Variants in PLXDC2 observed in about 807,000 individuals in gnomAD.
PLXDC2 encodes plexin domain-containing protein 2.
A neutral mutation model predicts 68.9 loss-of-function variants in PLXDC2; 40 were observed. That is an observed-to-expected ratio of 0.58 (90% CI 0.45 to 0.76). The LOEUF is 0.76. Among genes scored for constraint, PLXDC2 ranks in the 30% least tolerant of loss-of-function variants. The pLI is 0.00. For synonymous variants in PLXDC2, 243 were observed against 234.2 expected (o/e 1.04, Z -0.34); for missense variants, 644 against 661.9 (o/e 0.97, Z 0.30).
At chr10:19,833,972 T>C (rs1836742673) in intron 1 of PLXDC2, among the ~76,000 whole-genome samples, 1 of 150,038 alleles carries the variant, frequency 6.7e-6, no homozygotes, top group Non-Finnish European at 1.5e-5. Context: ...TCTCCAGAAC[T>C]GTATGGAGGC....
At chr10:20,172,166 T>G (rs1428895140) in intron 7 of PLXDC2, among the ~76,000 whole-genome samples, 1 of 151,520 alleles carries the variant, frequency 6.6e-6, no homozygotes, top group African/African-American at 2.4e-5. Context: ...TTTTGGGATA[T>G]TGTTTTCTGA....
intron 4 of PLXDC2, among the ~76,000 whole-genome samples, chr10:20,141,642 G>A (rs909523273): frequency 6.6e-6 from 1 of 151,874 alleles, no homozygotes; most frequent in Non-Finnish European, 1.5e-5. Context: ...TGCTGGAGAG[G>A]ATAGGAGAAA....
chr10:20,010,818 A>G (rs1835100199), intron 2 of PLXDC2, among the ~76,000 whole-genome samples: 1 of 152,206 alleles, frequency 6.6e-6, no homozygotes, highest in Admixed American at 6.5e-5. Flanking sequence ...TTATATGATC[A>G]TCACATCCAG....
intron 1 of PLXDC2, among the ~76,000 whole-genome samples, chr10:19,913,234 T>G (rs1833305908): frequency 6.6e-6 from 1 of 152,090 alleles, no homozygotes; most frequent in Non-Finnish European, 1.5e-5. Flanking sequence ...GATTTCTCCC[T>G]TTGCTGCTGT....
chr10:19,884,920 G>A (rs1172371840), intron 1 of PLXDC2, among the ~76,000 whole-genome samples: 33 of 152,252 alleles, frequency 2.2e-4, no homozygotes, highest in South Asian at 6.2e-4. Context: ...TCCCTGAGGA[G>A]TCGCCACACT....
Position 19,831,988 on chromosome 10 carries a change from T to A in PLXDC2, c.112+14797T>A, listed in dbSNP as rs184209399. 9.7e-4 allele frequency among the ~76,000 whole-genome samples: 147 copies of A among 152,302 alleles called. 1 individual carries two copies. Among genetic ancestry groups the A allele is most frequent in the Admixed American group, 1.3e-3 (20 of 15,306 alleles). On this transcript the variant is annotated intron_variant, in intron 1 of 13. Transcript: ENST00000377252. ...AGCTTTAACTCTTTCATGGATGACATATCATAGTTTTTGTTAGTCCAATAA... is the reference window on the plus strand; with the variant it reads ...AGCTTTAACTCTTTCATGGATGACAAATCATAGTTTTTGTTAGTCCAATAA...
intron 1 of PLXDC2, among the ~76,000 whole-genome samples, chr10:19,936,204 C>T (rs1833720384): frequency 6.6e-6 from 1 of 152,190 alleles, no homozygotes; most frequent in Admixed American, 6.5e-5. Flanking sequence ...TTTAATGGGA[C>T]TCCAGAAGTC....
intron 1 of PLXDC2, among the ~76,000 whole-genome samples, chr10:19,924,466 A>T (rs1301424290): frequency 6.6e-6 from 1 of 152,192 alleles, no homozygotes; most frequent in Non-Finnish European, 1.5e-5. Context: ...AATTACATTG[A>T]CATTTCTGAT....
chr10:20,208,246 G>A (rs1164566666), intron 9 of PLXDC2, among the ~76,000 whole-genome samples: 1 of 152,106 alleles, frequency 6.6e-6, no homozygotes, highest in Non-Finnish European at 1.5e-5. Flanking sequence ...GACATTTAAT[G>A]GACTCACAAT....
chr10:20,086,594 A>C (rs1048137738), intron 4 of PLXDC2, among the ~76,000 whole-genome samples: 2 of 152,132 alleles, frequency 1.3e-5, no homozygotes, highest in African/African-American at 4.8e-5. Flanking sequence ...AGCTTCTTCC[A>C]AATGCAGAAT....
At chr10:19,954,606 T>C (rs766599074) in intron 1 of PLXDC2, among the ~76,000 whole-genome samples, 5 of 152,360 alleles carry the variant, frequency 3.3e-5, no homozygotes, top group Non-Finnish European at 7.3e-5. Context: ...ATTTTAAATT[T>C]AATTTAAATG....
At chr10:19,885,228 A>T (rs1837819568) in intron 1 of PLXDC2, among the ~76,000 whole-genome samples, 1 of 151,116 alleles carries the variant, frequency 6.6e-6, no homozygotes, top group Non-Finnish European at 1.5e-5. Context: ...AATTTGTTGG[A>T]GTTCATTGTA....
rs750506950 is a variant in PLXDC2, at chr10:19,882,962, T to TTTC, written c.112+65773_112+65774insCTT. 7.0e-3 allele frequency among the ~76,000 whole-genome samples: 996 copies of TTTC among 142,340 alleles called. 14 individuals are homozygous for TTTC. Among genetic ancestry groups the TTTC allele is most frequent in the African/African-American group, 0.022 (841 of 38,366 alleles). The allele number at this position is 142,340 out of a possible 152,430, so 93.4% of individuals were successfully genotyped here. On this transcript the variant is annotated intron_variant, in intron 1 of 13. Coordinates refer to ENST00000377252, the MANE Select transcript of PLXDC2 (RefSeq NM_032812.9). ...TTTTTTTTTTTTTTTCCTTTCTTTCTTTTTTTTTTTTTGAGACAGAGTCTC... is the reference window on the plus strand; with the variant it reads ...TTTTTTTTTTTTTTTCCTTTCTTTCTTTCTTTTTTTTTTTTGAGACAGAGTCTC...
At position 20,029,422 on chromosome 10, in the gene PLXDC2, C is replaced by G. The variant is rs933039444; in HGVS notation, c.325-17447C>G. On this transcript the variant is annotated intron_variant, in intron 2 of 13. Coordinates refer to ENST00000377252, the MANE Select transcript of PLXDC2 (RefSeq NM_032812.9). ...AAGAAATGCTTGTAAAAAAAATAGG[C>G]GATTTGACGGCATCTTCTTATATTG... Among the ~76,000 whole-genome samples the G allele has an allele frequency of 3.3e-5, 5 of 151,904 alleles. No homozygotes were observed. The South Asian group carries it at 1.0e-3, about 32-fold the overall frequency.
At chr10:20,159,684 G>C (rs2131809621) in intron 6 of PLXDC2, among the ~76,000 whole-genome samples, 1 of 152,262 alleles carries the variant, frequency 6.6e-6, no homozygotes, top group East Asian at 1.9e-4. Context: ...CGCTCCCTAT[G>C]ATCTGCCCCT....
intron 1 of PLXDC2, among the ~76,000 whole-genome samples, chr10:19,857,887 A>G (rs1485753541): frequency 1.3e-5 from 2 of 152,230 alleles, no homozygotes; most frequent in African/African-American, 4.8e-5. Flanking sequence ...CAAAATATTT[A>G]AAATACTATT....
At chr10:19,893,785 A>G (rs538457816) in intron 1 of PLXDC2, among the ~76,000 whole-genome samples, 1 of 152,356 alleles carries the variant, frequency 6.6e-6, no homozygotes, top group East Asian at 1.9e-4. Flanking sequence ...TCAGCATGTC[A>G]TGTCAGAAAT....
At chr10:20,244,052 G>A (rs767647676) in intron 12 of PLXDC2, among the ~76,000 whole-genome samples, 4 of 151,722 alleles carry the variant, frequency 2.6e-5, no homozygotes, top group South Asian at 2.1e-4. Flanking sequence ...ACGACAGAGC[G>A]AGATTCCCAT....
At chr10:19,897,676 T>A (rs1838084080) in intron 1 of PLXDC2, among the ~76,000 whole-genome samples, 1 of 152,192 alleles carries the variant, frequency 6.6e-6, no homozygotes, top group Non-Finnish European at 1.5e-5. Context: ...TTTTTTTAAA[T>A]GAACACTTAC....
Sources: gnomAD v4.1 joint callset for allele counts (sites outside exome capture counted in the v4.1 genomes callset) on GRCh38, gnomAD v4.1.1 for gene constraint, MANE v1.5 for transcripts, NCBI Gene and HGNC (gene_info 2026-07-23, HGNC 2026-07-21) for gene names.